NOCT: variants seen among roughly 807,000 people sequenced by gnomAD.
The protein encoded by NOCT is nocturnin.
Under a neutral mutation model 35.0 loss-of-function variants are expected in NOCT, and 18 were observed. The observed-to-expected ratio is 0.51, with a 90% confidence interval of 0.36 to 0.76. The LOEUF is 0.76. NOCT is among the 30% of genes least tolerant of loss of function. NOCT has a pLI of 0.01. For missense variants in NOCT, 479 were observed against 541.0 expected, an observed-to-expected ratio of 0.89 and a Z score of 1.14; for synonymous variants, 235 against 226.3, an observed-to-expected ratio of 1.04 and a Z score of -0.34.
At chr4:139,039,498 C>G (rs1463694282) in intron 1 of NOCT, among the ~76,000 whole-genome samples, 2 of 150,732 alleles carry the variant, frequency 1.3e-5, no homozygotes, top group Non-Finnish European at 3.0e-5. Flanking sequence ...CTTTTGTTCC[C>G]TTTCGTTGGT....
At position 139,045,697 on chromosome 4, in the gene NOCT, T is replaced by C; in HGVS notation, c.*223T>C. On this transcript the variant is annotated 3_prime_UTR_variant, in exon 3 of 3. Coordinates refer to ENST00000280614, the MANE Select transcript of NOCT (RefSeq NM_012118.4). Reference sequence around the variant, plus strand: ...ACGCCCAGCTAATTTTTTGTATTTTTAGTAGAGACGGGGTTTCACCGTGTT... The same window carrying C: ...ACGCCCAGCTAATTTTTTGTATTTTCAGTAGAGACGGGGTTTCACCGTGTT... 4 of 423,660 alleles carry C rather than the reference T, an allele frequency of 9.4e-6. No individual in the cohort carries two copies. 26.2% of individuals were successfully genotyped at this position (423,660 alleles called of 1,614,324 possible).
intron 1 of NOCT, among the ~76,000 whole-genome samples, chr4:139,039,547 CTT>C (rs1726797404): frequency 6.6e-6 from 1 of 150,904 alleles, no homozygotes; most frequent in South Asian, 2.1e-4. Flanking sequence ...TATTTTGGGT[CTT>C]TGCTCATTTT....
chr4:139,029,486 C>T (rs980373944), intron 1 of NOCT, among the ~76,000 whole-genome samples: 1 of 152,210 alleles, frequency 6.6e-6, no homozygotes, highest in African/African-American at 2.4e-5. Context: ...GCTCAGTACT[C>T]GAGGCAGGCC....
rs767625661 is a variant in NOCT at position 139,028,812 on chromosome 4, C to T, written c.190+12641C>T. 2.0e-5 allele frequency among the ~76,000 whole-genome samples: 3 copies of T among 152,136 alleles called. No individual in the cohort carries two copies. In the South Asian group the frequency reaches 6.2e-4, roughly 32 times the overall value. The stretch of plus-strand genomic sequence containing the variant: ...ATGGAAGCAGTCTGGCACATTATCT[C>T]GAATGTTAATAATAGCCTTCTCTTT... On this transcript the variant is annotated intron_variant, in intron 1 of 2. Coordinates refer to ENST00000280614, the MANE Select transcript of NOCT (RefSeq NM_012118.4).
At chr4:139,019,581 G>A (rs748170211) in intron 1 of NOCT, among the ~76,000 whole-genome samples, 9 of 152,234 alleles carry the variant, frequency 5.9e-5, no homozygotes, top group Non-Finnish European at 1.0e-4. Context: ...GTGGTGGGGA[G>A]TAGTGAGTCC....
chr4:139,021,656 TAAAAG>T (rs774818576), intron 1 of NOCT, among the ~76,000 whole-genome samples: 2 of 152,064 alleles, frequency 1.3e-5, no homozygotes, highest in Non-Finnish European at 2.9e-5. Context: ...TGATGTTTAC[TAAAAG>T]AAAAGTGAGG....
In NOCT at chr4:139,015,826, C is replaced by T; in HGVS notation, c.-156C>T. On this transcript the variant is annotated 5_prime_UTR_variant, in exon 1 of 3. Transcript: ENST00000280614. ...TGTTGCACCTCCCTCTCCGGCTCTGCTGCCCGGGATTTCCCCAGAACCTGC... is the reference window on the plus strand; with the variant it reads ...TGTTGCACCTCCCTCTCCGGCTCTGTTGCCCGGGATTTCCCCAGAACCTGC... 1 of 529,152 alleles carries T rather than the reference C, an allele frequency of 1.9e-6. No homozygotes were observed. The highest frequency in any genetic ancestry group is 2.8e-6 in the Non-Finnish European group (1 of 356,224). The allele number at this position is 529,152 out of a possible 1,614,324, so 32.8% of individuals were successfully genotyped here.
intron 1 of NOCT, among the ~76,000 whole-genome samples, chr4:139,038,454 C>G (rs1305266531): frequency 6.6e-6 from 1 of 151,976 alleles, no homozygotes; most frequent in Non-Finnish European, 1.5e-5. Flanking sequence ...CCAAAATGAA[C>G]TGGCTTTAAC....
intron 1 of NOCT, 116 bp downstream of exon 1, chr4:139,016,287 T>G: frequency 1.7e-6 from 1 of 591,462 alleles, no homozygotes; most frequent in Non-Finnish European, 2.4e-6. Flanking sequence ...GAGTCTGGCC[T>G]GAAAGTGGGT....
rs774455427 is a variant in NOCT at position 139,045,241 on chromosome 4, G to A, written c.1063G>A (p.Gly355Arg). The stretch of plus-strand genomic sequence containing the variant: ...CGCCTACAAGCTGCTGAGTGCTGAT[G>A]GGCAGTCAGAACCCCCATACACTAC... ...NSAYKLLSAD[G>R]QSEPPYTTWK... The change falls in exon 3 of 3, where the codon GGG (glycine) becomes AGG (arginine). Residue 355 changes from glycine to arginine, a missense_variant. By Grantham distance (125) the Gly-to-Arg change is moderately radical. Around this residue, in one of 2 missense-constraint regions of NOCT, gnomAD observed 214 missense variants for 284.0 expected, o/e 0.75. Transcript: ENST00000280614. 16 of 1,613,986 alleles carry A rather than the reference G, an allele frequency of 9.9e-6. No individual in the cohort carries two copies. The highest frequency in any genetic ancestry group is 1.7e-5 in the Admixed American group (1 of 59,986).
intron 1 of NOCT, among the ~76,000 whole-genome samples, chr4:139,033,941 C>G (rs1311581600): frequency 1.3e-5 from 2 of 152,012 alleles, no homozygotes; most frequent in Non-Finnish European, 2.9e-5. Context: ...CCAGGCTACT[C>G]TCAAACTCCT....
chr4:139,042,949 T>A, intron 1 of NOCT, 125 bp from the exon 2 acceptor site: 1 of 782,308 alleles, frequency 1.3e-6, no homozygotes, highest in Non-Finnish European at 2.0e-6. Flanking sequence ...AATGGCTTTA[T>A]ACACTATTAT....
intron 1 of NOCT, chr4:139,027,992 C>T (rs1726555705): frequency 6.6e-6 from 1 of 152,160 alleles, no homozygotes; most frequent in Non-Finnish European, 1.5e-5. Flanking sequence ...CTAGAGAGGA[C>T]TCTGTACAGT....
chr4:139,032,853 A>G (rs147797586), intron 1 of NOCT, among the ~76,000 whole-genome samples: 165 of 152,338 alleles, frequency 1.1e-3, no homozygotes, highest in Admixed American at 2.2e-3. Context: ...ATCAACATGT[A>G]TTTATGTATG....
At chr4:139,037,243 A>G (rs925694551) in intron 1 of NOCT, among the ~76,000 whole-genome samples, 1 of 152,214 alleles carries the variant, frequency 6.6e-6, no homozygotes, top group African/African-American at 2.4e-5. Context: ...ATGTAGCCCA[A>G]TGATATCTTT....
rs1372619169 is a variant in NOCT, at chr4:139,045,548, G to C, written c.*74G>C. 1.5e-5 allele frequency: 12 copies of C among 774,942 alleles called. No homozygotes were observed. Among genetic ancestry groups the C allele is most frequent in the Non-Finnish European group, 2.3e-5 (12 of 528,902 alleles). The allele number at this position is 774,942 out of a possible 1,614,324, so 48.0% of individuals were successfully genotyped here. A position where few individuals can be genotyped will look rare whatever the true frequency, so the allele number is the denominator to read the frequency against. On this transcript the variant is annotated 3_prime_UTR_variant, in exon 3 of 3. Transcript: ENST00000280614. ...TTTTTTTTTTTTGAGACAGAGTCTC[G>C]CTCTGTTGCCTAGGCTGGAGTACAG...
intron 2 of NOCT, chr4:139,043,612 C>A (rs1345070728): frequency 1.2e-5 from 4 of 340,870 alleles, no homozygotes; most frequent in African/African-American, 6.3e-5. Flanking sequence ...CCACGAGTTA[C>A]TTGCTTTAAT....
chr4:139,043,344 G>A lies in NOCT; in HGVS notation c.460+1G>A. 2 of 1,611,948 alleles carry A rather than the reference G, an allele frequency of 1.2e-6. No homozygotes were observed. Among genetic ancestry groups the A allele is most frequent in the South Asian group, 1.1e-5 (1 of 91,032 alleles). On this transcript the variant is annotated splice_donor_variant, in intron 2 of 2. Coordinates refer to ENST00000280614, the MANE Select transcript of NOCT (RefSeq NM_012118.4). LOFTEE classifies it high-confidence loss of function. ...ATGCAATGGAACATCCTCGCCCAAG[G>A]TATGCTGGATGCTTTTGTGCCTCTG... is the stretch of plus-strand genomic sequence containing the variant.
chr4:139,033,587 G>A (rs960978113), intron 1 of NOCT, among the ~76,000 whole-genome samples: 3 of 151,912 alleles, frequency 2.0e-5, no homozygotes. Context: ...CAGGAGGATT[G>A]CCTGAGTCCA....
Sources: allele counts gnomAD v4.1 joint callset (sites outside exome capture counted in the v4.1 genomes callset), GRCh38; gene constraint gnomAD v4.1.1; regional missense constraint gnomAD v4.1.1; transcripts MANE v1.5; gene names NCBI Gene and HGNC (gene_info 2026-07-23, HGNC 2026-07-21).